Variants in DCC observed in about 807,000 individuals in gnomAD.
DCC encodes the protein DCC netrin 1 receptor.
Under a neutral mutation model 172.5 loss-of-function variants are expected in DCC, and 58 were observed. The observed-to-expected ratio is 0.34, with a 90% CI of 0.27 to 0.42. DCC has a LOEUF of 0.42. DCC is among the 10% of genes least tolerant of loss of function. The probability of loss-of-function intolerance (pLI) is 1.00; values close to 1 mark genes in which losing one functional copy is unlikely to be tolerated. For synonymous variants in DCC, 709 were observed against 644.5 expected, an observed-to-expected ratio of 1.10 and a Z score of -1.52; for missense variants, 1,740 against 1,791.0, an observed-to-expected ratio of 0.97 and a Z score of 0.51.
At position 52,347,844 on chromosome 18, in the gene DCC, T is replaced by C. The variant is rs553708647; in HGVS notation, c.91+6966T>C. ...ACTCTAGTTATTAGTTTCAACACTATATAATTTATTTAAATTATGAACTGT... is the reference window on the plus strand; with the variant it reads ...ACTCTAGTTATTAGTTTCAACACTACATAATTTATTTAAATTATGAACTGT... On this transcript the variant is annotated intron_variant, in intron 1 of 28. Coordinates refer to ENST00000442544, the MANE Select transcript of DCC (RefSeq NM_005215.4). Among the ~76,000 whole-genome samples, 8 of 152,310 alleles carry C rather than the reference T, an allele frequency of 5.3e-5. No homozygotes were observed. In the East Asian group the frequency reaches 1.3e-3, roughly 26 times the overall value.
At chr18:53,170,330 A>C (rs754420953) in intron 8 of DCC, among the ~76,000 whole-genome samples, 1 of 152,252 alleles carries the variant, frequency 6.6e-6, no homozygotes, top group Non-Finnish European at 1.5e-5. Flanking sequence ...GAATATTTTC[A>C]TTATTGGAAC....
At chr18:53,160,758 C>T (rs550310745) in intron 8 of DCC, among the ~76,000 whole-genome samples, 5 of 152,250 alleles carry the variant, frequency 3.3e-5, no homozygotes, top group Admixed American at 6.5e-5. Context: ...CAACACCTTC[C>T]GCCTTTCCCC....
intron 2 of DCC, among the ~76,000 whole-genome samples, chr18:52,831,100 A>T (rs1436180970): frequency 1.3e-5 from 2 of 152,176 alleles, no homozygotes; most frequent in Non-Finnish European, 2.9e-5. Context: ...ATCCACGGAG[A>T]TTTCTTGGAG....
chr18:52,824,904 A>G (rs559905646), intron 2 of DCC, among the ~76,000 whole-genome samples: 3 of 152,142 alleles, frequency 2.0e-5, no homozygotes, highest in Admixed American at 2.0e-4. Flanking sequence ...CAGGACACAG[A>G]GGTTGCAGTG....
At chr18:53,020,041 A>G (rs1433522305) in intron 5 of DCC, among the ~76,000 whole-genome samples, 8 of 152,166 alleles carry the variant, frequency 5.3e-5, no homozygotes, top group South Asian at 2.1e-4. Context: ...GAAATGATGG[A>G]CACTGTGGGA....
intron 1 of DCC, among the ~76,000 whole-genome samples, chr18:52,738,480 G>A (rs979864800): frequency 6.6e-6 from 1 of 152,046 alleles, no homozygotes; most frequent in Admixed American, 6.6e-5. Flanking sequence ...TAAATATTTT[G>A]TACAAGAGAT....
chr18:52,494,160 A>C (rs900271283), intron 1 of DCC, among the ~76,000 whole-genome samples: 1 of 151,978 alleles, frequency 6.6e-6, no homozygotes, highest in Non-Finnish European at 1.5e-5. Context: ...TGAGAGGTCA[A>C]CTATTATTTC....
At chr18:53,146,888 A>G (rs1015303427) in intron 7 of DCC, among the ~76,000 whole-genome samples, 29 of 152,214 alleles carry the variant, frequency 1.9e-4, no homozygotes, top group Admixed American at 1.0e-3. Context: ...TTGATCAACC[A>G]TAATTCAAAT....
chr18:53,052,577 C>A (rs1399815061), intron 5 of DCC, among the ~76,000 whole-genome samples: 1 of 152,032 alleles, frequency 6.6e-6, no homozygotes, highest in Non-Finnish European at 1.5e-5. Context: ...CCCTTAAGCT[C>A]CAGTTTGAAG....
intron 12 of DCC, among the ~76,000 whole-genome samples, chr18:53,280,260 C>T (rs2056855811): frequency 6.6e-6 from 1 of 152,040 alleles, no homozygotes; most frequent in Non-Finnish European, 1.5e-5. Flanking sequence ...TGTTTAGATT[C>T]AGTATTGTTT....
chr18:52,365,498 T>C (rs932364973), intron 1 of DCC, among the ~76,000 whole-genome samples: 1 of 151,284 alleles, frequency 6.6e-6, no homozygotes, highest in African/African-American at 2.4e-5. Flanking sequence ...AATGGGAATC[T>C]TGGGAGTACT....
intron 1 of DCC, among the ~76,000 whole-genome samples, chr18:52,522,934 G>A (rs992357459): frequency 4.6e-5 from 7 of 152,118 alleles, no homozygotes; most frequent in African/African-American, 1.4e-4. Context: ...GTTTGAGAAC[G>A]GGACCCAGCT....
intron 1 of DCC, among the ~76,000 whole-genome samples, chr18:52,466,207 C>A (rs1319183070): frequency 6.6e-6 from 1 of 152,112 alleles, no homozygotes; most frequent in Non-Finnish European, 1.5e-5. Flanking sequence ...GACGTTTTGT[C>A]TGGTCTAGTT....
intron 7 of DCC, among the ~76,000 whole-genome samples, chr18:53,101,764 C>G (rs1298068373): frequency 6.6e-6 from 1 of 151,818 alleles, no homozygotes; most frequent in African/African-American, 2.4e-5. Context: ...TCTGGTGATT[C>G]CCTAGGACAA....
At chr18:53,088,636 T>C (rs1438136570) in intron 7 of DCC, among the ~76,000 whole-genome samples, 2 of 152,084 alleles carry the variant, frequency 1.3e-5, no homozygotes, top group Non-Finnish European at 2.9e-5. Context: ...GCTGTTTTTT[T>C]GAAAGGATCA....
intron 5 of DCC, among the ~76,000 whole-genome samples, chr18:53,049,627 A>G (rs979376078): frequency 6.6e-6 from 1 of 152,118 alleles, no homozygotes; most frequent in African/African-American, 2.4e-5. Flanking sequence ...TGATGCCTCC[A>G]GCTTCGTTCT....
chr18:52,988,173 T>C (rs1421265101), intron 5 of DCC, among the ~76,000 whole-genome samples: 1 of 152,210 alleles, frequency 6.6e-6, no homozygotes, highest in East Asian at 1.9e-4. Flanking sequence ...TATTGTGTGT[T>C]TAGCACATTT....
intron 23 of DCC, among the ~76,000 whole-genome samples, chr18:53,453,497 C>A (rs1158958794): frequency 6.6e-6 from 1 of 151,932 alleles, no homozygotes; most frequent in Non-Finnish European, 1.5e-5. Flanking sequence ...TGAATTACAT[C>A]CAAGTGAATT....
chr18:52,800,730 C>T (rs1362205110), intron 2 of DCC, among the ~76,000 whole-genome samples: 1 of 152,150 alleles, frequency 6.6e-6, no homozygotes, highest in East Asian at 1.9e-4. Flanking sequence ...CAATTGGTTC[C>T]TGAGAGGCTG....
Sources: gnomAD v4.1 joint callset for allele counts (sites outside exome capture counted in the v4.1 genomes callset) on GRCh38, gnomAD v4.1.1 for gene constraint, MANE v1.5 for transcripts, NCBI Gene and HGNC (gene_info 2026-07-23, HGNC 2026-07-21) for gene names.